The following MSRA variants were observed in gnomAD, a reference collection of about 807,000 sequenced individuals.
MSRA encodes mitochondrial peptide methionine sulfoxide reductase.
Under a neutral mutation model 31.3 loss-of-function variants are expected in MSRA, and 54 were observed. The observed-to-expected ratio is 1.73, with a 90% confidence interval of 1.39 to 2.17. The LOEUF (loss-of-function observed/expected upper bound fraction) is 2.17. Ranked by LOEUF, MSRA falls within the 30% of genes most tolerant of loss-of-function variation. MSRA has a pLI of 0.00. For missense variants in MSRA, 507 were observed against 300.9 expected (o/e 1.69, Z -5.07); for synonymous variants, 169 against 116.5 (o/e 1.45, Z -2.90).
intron 5 of MSRA, among the ~76,000 whole-genome samples, chr8:10,418,058 C>G (rs1343593612): frequency 6.6e-6 from 1 of 152,142 alleles, no homozygotes; most frequent in Admixed American, 6.5e-5. Context: ...TTCCGATGGG[C>G]TCAGGGTCAT....
At chr8:10,426,952 C>G (rs1809207521) in intron 5 of MSRA, among the ~76,000 whole-genome samples, 1 of 62,272 alleles carries the variant, frequency 1.6e-5, no homozygotes, top group South Asian at 5.1e-4. Context: ...GGGGACCCTG[C>G]CCCTTGTCGT....
At chr8:10,416,969 G>A (rs184118127) in intron 5 of MSRA, among the ~76,000 whole-genome samples, 17 of 152,300 alleles carry the variant, frequency 1.1e-4, no homozygotes, top group Non-Finnish European at 1.9e-4. Context: ...GATTTACCTC[G>A]AGGGTGCAGA....
At chr8:10,288,214 G>C (rs1800040602) in intron 3 of MSRA, among the ~76,000 whole-genome samples, 1 of 152,148 alleles carries the variant, frequency 6.6e-6, no homozygotes, top group Non-Finnish European at 1.5e-5. Flanking sequence ...GGCCTTTTTA[G>C]ACATTTCTCT....
intron 1 of MSRA, among the ~76,000 whole-genome samples, chr8:10,067,681 G>A (rs574813473): frequency 3.3e-5 from 5 of 152,278 alleles, no homozygotes; most frequent in Admixed American, 3.3e-4. Flanking sequence ...CCCGGCAGTT[G>A]TTGTTATCAG....
intron 5 of MSRA, among the ~76,000 whole-genome samples, chr8:10,345,540 T>C (rs1803716557): frequency 6.6e-6 from 1 of 152,132 alleles, no homozygotes; most frequent in African/African-American, 2.4e-5. Context: ...AATGTAAAAA[T>C]CAAATATGAT....
chr8:10,213,497 C>T (rs147398844), intron 2 of MSRA, among the ~76,000 whole-genome samples: 3,556 of 134,994 alleles, frequency 0.026, 158 homozygotes, highest in African/African-American at 0.093. Flanking sequence ...AGTGCAGTGA[C>T]GCGACCTCGG....
intron 5 of MSRA, among the ~76,000 whole-genome samples, chr8:10,349,561 C>T (rs373545742): frequency 6.6e-6 from 1 of 152,242 alleles, no homozygotes; most frequent in East Asian, 1.9e-4. Flanking sequence ...TTGAACGTCC[C>T]TTGAGCACAG....
chr8:10,116,893 G>A (rs987356154), intron 1 of MSRA, among the ~76,000 whole-genome samples: 4 of 152,188 alleles, frequency 2.6e-5, no homozygotes, highest in African/African-American at 9.7e-5. Flanking sequence ...TTGAACCTGG[G>A]AAGTGGAGGT....
intron 1 of MSRA, among the ~76,000 whole-genome samples, chr8:10,078,389 A>T (rs1798103681): frequency 6.6e-6 from 1 of 152,140 alleles, no homozygotes; most frequent in African/African-American, 2.4e-5. Context: ...GCTCAGTGTG[A>T]TGGAGGTGGG....
intron 5 of MSRA, among the ~76,000 whole-genome samples, chr8:10,380,917 A>G (rs1585633204): frequency 2.3e-5 from 3 of 133,298 alleles, no homozygotes; most frequent in South Asian, 2.5e-4. Flanking sequence ...AGGGAGGGGG[A>G]GTGATGGATG....
chr8:10,185,522 C>G (rs929743660), intron 1 of MSRA, among the ~76,000 whole-genome samples: 1 of 151,962 alleles, frequency 6.6e-6, no homozygotes, highest in African/African-American at 2.4e-5. Context: ...CAGCTTAATC[C>G]TTAGTGCTTC....
Position 10,243,717 on chromosome 8 carries a change from T to C in MSRA, c.212-1387T>C, listed in dbSNP as rs74708534. Reference sequence around the variant, plus strand: ...GTGGTTATTATCACTTTAGTATACTTAGTATATTTTCTTCCAGTCTAATTT... The same window carrying C: ...GTGGTTATTATCACTTTAGTATACTCAGTATATTTTCTTCCAGTCTAATTT... On this transcript the variant is annotated intron_variant, in intron 2 of 5. Transcript: ENST00000317173. 7.4e-3 allele frequency among the ~76,000 whole-genome samples: 1,130 copies of C among 152,312 alleles called. 14 individuals carry two copies. The highest frequency in any genetic ancestry group is 0.026 in the African/African-American group (1,083 of 41,584).
chr8:10,164,369 G>T (rs947464765), intron 1 of MSRA, among the ~76,000 whole-genome samples: 7 of 152,172 alleles, frequency 4.6e-5, no homozygotes, highest in African/African-American at 1.7e-4. Context: ...TTTGGCAGCA[G>T]ATCCCTTCCC....
intron 1 of MSRA, among the ~76,000 whole-genome samples, chr8:10,059,481 C>T (rs913281669): frequency 6.6e-6 from 1 of 152,160 alleles, no homozygotes; most frequent in African/African-American, 2.4e-5. Context: ...GCCTTAACTC[C>T]TATACTCTTT....
intron 5 of MSRA, among the ~76,000 whole-genome samples, 164 bp from the exon 6 acceptor site, chr8:10,427,984 C>T (rs959839763): frequency 6.6e-6 from 1 of 152,120 alleles, no homozygotes; most frequent in African/African-American, 2.4e-5. Flanking sequence ...AGTCCCTGCC[C>T]AGCGTCACTC....
chr8:10,054,493 C>T lies in MSRA; in HGVS notation c.-24C>T, dbSNP rs1802172447. 6.4e-7 allele frequency: 1 copy of T among 1,557,866 alleles called. No homozygotes were observed. Among genetic ancestry groups the T allele is most frequent in the Admixed American group, 1.9e-5 (1 of 53,432 alleles). The stretch of plus-strand genomic sequence containing the variant: ...CTGCCGGTAGCGCCGTCCCCCGGGA[C>T]CACCCTTCGGCTGGCGCCCTCCCAT... On this transcript the variant is annotated 5_prime_UTR_variant, in exon 1 of 6. Transcript: ENST00000317173.
chr8:10,337,929 T>TAATA (rs772397180), intron 5 of MSRA: 44 of 647,442 alleles, frequency 6.8e-5, no homozygotes, highest in Non-Finnish European at 1.1e-4. Context: ...GATGCAAGAC[T>TAATA]AATAAGACTT....
At chr8:10,300,008 G>A (rs1485373497) in intron 3 of MSRA, among the ~76,000 whole-genome samples, 1 of 152,154 alleles carries the variant, frequency 6.6e-6, no homozygotes, top group African/African-American at 2.4e-5. Flanking sequence ...CATCTGATGG[G>A]GAGTTATGTA....
intron 1 of MSRA, among the ~76,000 whole-genome samples, chr8:10,067,662 C>T (rs814405): frequency 6.6e-6 from 1 of 152,056 alleles, no homozygotes; most frequent in Non-Finnish European, 1.5e-5. Context: ...CCTCTTGCTC[C>T]ACATCCTTCC....
Sources: gnomAD v4.1 joint callset for allele counts (sites outside exome capture counted in the v4.1 genomes callset) on GRCh38, gnomAD v4.1.1 for gene constraint, MANE v1.5 for transcripts, NCBI Gene and HGNC (gene_info 2026-07-23, HGNC 2026-07-21) for gene names.